Variants in OPCML observed in about 807,000 individuals in gnomAD.
OPCML encodes opioid-binding protein/cell adhesion molecule.
In OPCML, 13 loss-of-function variants were observed where a neutral mutation model predicts 37.8. The observed-to-expected ratio is 0.34, with a 90% CI of 0.22 to 0.55. The LOEUF (loss-of-function observed/expected upper bound fraction) is 0.55, where lower values mean the gene tolerates loss of function less well. Among genes scored for constraint, OPCML ranks in the 20% least tolerant of loss-of-function variants. The probability of loss-of-function intolerance (pLI) is 0.91; values close to 1 mark genes in which losing one functional copy is unlikely to be tolerated. For missense variants in OPCML, 341 were observed against 435.6 expected, an observed-to-expected ratio of 0.78 and a Z score of 1.93; for synonymous variants, 176 against 168.8, an observed-to-expected ratio of 1.04 and a Z score of -0.33.
intron 1 of OPCML, among the ~76,000 whole-genome samples, chr11:133,051,998 T>G (rs1488622475): frequency 1.3e-5 from 2 of 152,168 alleles, no homozygotes; most frequent in Non-Finnish European, 2.9e-5. Context: ...AAGCAAAGCT[T>G]CTTTAGAATT....
At chr11:132,656,215 G>A (rs948915229) in intron 3 of OPCML, among the ~76,000 whole-genome samples, 2 of 152,168 alleles carry the variant, frequency 1.3e-5, no homozygotes, top group South Asian at 2.1e-4. Context: ...GATAGTTGGG[G>A]TCAAGTTCAA....
chr11:133,154,971 G>C (rs1321664982), intron 1 of OPCML, among the ~76,000 whole-genome samples: 1 of 152,162 alleles, frequency 6.6e-6, no homozygotes. Context: ...GATGGGATTA[G>C]AGTGCAACCT....
chr11:132,774,488 C>T lies in OPCML; in HGVS notation c.147-117169G>A, dbSNP rs1047159149. 2.3e-4 allele frequency among the ~76,000 whole-genome samples: 35 copies of T among 152,298 alleles called. 1 individual carries two copies. Among genetic ancestry groups the T allele is most frequent in the African/African-American group, 7.7e-4 (32 of 41,564 alleles). ...GTGCTGGAAAGCCACAAGCCTCGCTCTCTTTTCATCTCCTGTTTTACCCCA... is the reference window on the plus strand; with the variant it reads ...GTGCTGGAAAGCCACAAGCCTCGCTTTCTTTTCATCTCCTGTTTTACCCCA... On this transcript the variant is annotated intron_variant, in intron 2 of 7. Coordinates refer to ENST00000524381, the MANE Select transcript of OPCML (RefSeq NM_001012393.5).
At chr11:133,440,426 A>T (rs1946338356) in intron 1 of OPCML, among the ~76,000 whole-genome samples, 2 of 150,094 alleles carry the variant, frequency 1.3e-5, no homozygotes, top group South Asian at 4.2e-4. Flanking sequence ...AAAGAAAGAA[A>T]TGATTATTAT....
At chr11:132,526,165 T>C (rs2096307865) in intron 4 of OPCML, among the ~76,000 whole-genome samples, 1 of 152,178 alleles carries the variant, frequency 6.6e-6, no homozygotes, top group Non-Finnish European at 1.5e-5. Context: ...TAATGAATTG[T>C]TTCAGGACAT....
chr11:132,833,323 C>T (rs986998231), intron 2 of OPCML, among the ~76,000 whole-genome samples: 3 of 152,006 alleles, frequency 2.0e-5, no homozygotes, highest in Non-Finnish European at 2.9e-5. Flanking sequence ...GCACATTAGC[C>T]GAGGCCTGCA....
chr11:132,557,622 A>G (rs2096398792), intron 3 of OPCML, among the ~76,000 whole-genome samples: 1 of 152,182 alleles, frequency 6.6e-6, no homozygotes, highest in Admixed American at 6.5e-5. Flanking sequence ...CTTAGTTAAC[A>G]TTGCCTGATT....
At chr11:133,118,012 A>G in intron 1 of OPCML, 1 of 861,202 alleles carries the variant, frequency 1.2e-6, no homozygotes, top group Non-Finnish European at 1.4e-6. Context: ...TTTGTTTTCA[A>G]CCTGAGTCTA....
intron 2 of OPCML, among the ~76,000 whole-genome samples, chr11:132,909,518 G>A (rs1350379231): frequency 6.6e-6 from 1 of 152,194 alleles, no homozygotes; most frequent in Non-Finnish European, 1.5e-5. Flanking sequence ...GAGATCACCA[G>A]CCCTTCTACC....
chr11:132,582,196 C>T (rs2096463558), intron 3 of OPCML, among the ~76,000 whole-genome samples: 1 of 149,910 alleles, frequency 6.7e-6, no homozygotes, highest in Admixed American at 6.7e-5. Context: ...ATCCCATGTA[C>T]AATTGGGAAA....
At chr11:132,781,954 A>ATTTT (rs10717332) in intron 2 of OPCML, among the ~76,000 whole-genome samples, 1 of 107,796 alleles carries the variant, frequency 9.3e-6, no homozygotes, top group East Asian at 2.5e-4. Flanking sequence ...ATATATATAT[A>ATTTT]TTTTTTTTTT....
Position 132,657,112 on chromosome 11 carries a change from C to T in OPCML, c.354G>A (p.Thr118=), listed in dbSNP as rs548104590. Residue 118 remains threonine, a synonymous_variant, in exon 3 of 8, where the codon ACG becomes ACA. Transcript: ENST00000524381. ...CSVQTDNHPK[T]SRVHLIVQVP... The stretch of plus-strand genomic sequence containing the variant: ...CTTGCACTATTAGGTGAACCCGGGA[C>T]GTTTTGGGATGATTGTCTGTCTGCA... 34 of 1,614,162 alleles carry T rather than the reference C, an allele frequency of 2.1e-5. No homozygotes were observed. Among genetic ancestry groups the T allele is most frequent in the South Asian group, 1.4e-4 (13 of 91,086 alleles).
At chr11:133,364,185 C>T (rs1428038675) in intron 1 of OPCML, among the ~76,000 whole-genome samples, 1 of 152,316 alleles carries the variant, frequency 6.6e-6, no homozygotes, top group Middle Eastern at 3.4e-3. Context: ...GTACGACTAT[C>T]AAATTTTAGT....
chr11:132,708,633 T>C (rs1241782753), intron 2 of OPCML, among the ~76,000 whole-genome samples: 4 of 152,178 alleles, frequency 2.6e-5, no homozygotes, highest in Non-Finnish European at 5.9e-5. Context: ...TATAAGTGAT[T>C]TACTCAGACT....
At chr11:132,730,564 G>C (rs974596875) in intron 2 of OPCML, among the ~76,000 whole-genome samples, 49 of 152,268 alleles carry the variant, frequency 3.2e-4, no homozygotes, top group African/African-American at 1.1e-3. Context: ...CCCTGGAGAA[G>C]CACCTGAGTG....
chr11:132,429,034 G>GGGATGGATGGATGGAT (rs71477763), intron 7 of OPCML, among the ~76,000 whole-genome samples: 4 of 146,468 alleles, frequency 2.7e-5, no homozygotes, highest in South Asian at 2.3e-4. Flanking sequence ...AATGGATGGA[G>GGGATGGATGGATGGAT]GGATGGATGG....
chr11:133,364,181 C>T (rs1304016506), intron 1 of OPCML, among the ~76,000 whole-genome samples: 1 of 152,230 alleles, frequency 6.6e-6, no homozygotes, highest in African/African-American at 2.4e-5. Flanking sequence ...GCAAGTACGA[C>T]TATCAAATTT....
rs118176482 is a variant in OPCML, at chr11:133,355,374, A to G, written c.61+176890T>C. Among the ~76,000 whole-genome samples the G allele has an allele frequency of 6.6e-3, 1,013 of 152,350 alleles. 8 individuals carry two copies. The highest frequency in any genetic ancestry group is 8.2e-3 in the Non-Finnish European group (557 of 68,038). ...ATGTCCTGAGTCATAATACAAGTCTATAAGGCAGAAAGCTGAGAGCACTGG... is the reference window on the plus strand; with the variant it reads ...ATGTCCTGAGTCATAATACAAGTCTGTAAGGCAGAAAGCTGAGAGCACTGG... On this transcript the variant is annotated intron_variant, in intron 1 of 7. Coordinates refer to ENST00000524381, the MANE Select transcript of OPCML (RefSeq NM_001012393.5).
At chr11:133,002,129 A>C (rs1947017083) in intron 1 of OPCML, among the ~76,000 whole-genome samples, 1 of 152,192 alleles carries the variant, frequency 6.6e-6, no homozygotes, top group African/African-American at 2.4e-5. Flanking sequence ...TAAAAACAAA[A>C]GCCCTTTGCT....
Sources: gnomAD v4.1 joint callset for allele counts (sites outside exome capture counted in the v4.1 genomes callset) on GRCh38, gnomAD v4.1.1 for gene constraint, MANE v1.5 for transcripts, NCBI Gene and HGNC (gene_info 2026-07-23, HGNC 2026-07-21) for gene names.